RELN: variants seen among roughly 807,000 people sequenced by gnomAD.
RELN encodes reelin.
A neutral mutation model predicts 427.6 loss-of-function variants in RELN; 108 were observed. That is an observed-to-expected ratio of 0.25 (90% CI 0.22 to 0.30). The LOEUF (loss-of-function observed/expected upper bound fraction) is 0.30. Among genes scored for constraint, RELN ranks in the 10% least tolerant of loss-of-function variants. The pLI, the probability that RELN is intolerant of heterozygous loss-of-function variation, is 1.00. For synonymous variants in RELN, 1,524 were observed against 1,513.4 expected (o/e 1.01, Z -0.16); for missense variants, 3,715 against 4,302.8 (o/e 0.86, Z 3.82).
At chr7:103,735,520 T>C (rs907220404) in intron 6 of RELN, among the ~76,000 whole-genome samples, 2 of 152,162 alleles carry the variant, frequency 1.3e-5, no homozygotes, top group African/African-American at 4.8e-5. Context: ...GGAGGATGAA[T>C]GAGAAAATTG....
chr7:103,901,765 C>T (rs1378205544), intron 2 of RELN, among the ~76,000 whole-genome samples: 1 of 151,896 alleles, frequency 6.6e-6, no homozygotes, highest in African/African-American at 2.4e-5. Flanking sequence ...GGGACTGACT[C>T]CTAATAGATA....
At chr7:103,484,558 C>A (rs767128834) in intron 61 of RELN, 1 of 152,906 alleles carries the variant, frequency 6.5e-6, no homozygotes, top group African/African-American at 2.4e-5. Context: ...GCCAGTCTTA[C>A]GACTACATCA....
chr7:103,601,052 C>T (rs1335425994), intron 24 of RELN, among the ~76,000 whole-genome samples: 2 of 152,150 alleles, frequency 1.3e-5, no homozygotes, highest in Non-Finnish European at 2.9e-5. Context: ...GTCTGTCTGA[C>T]TTCAGAGATC....
In RELN at chr7:103,489,833, G is replaced by A. The variant is rs781754733; in HGVS notation, c.9672C>T (p.His3224=). 8 of 1,614,072 alleles carry A rather than the reference G, an allele frequency of 5.0e-6. No homozygotes were observed. In the East Asian group the frequency reaches 6.7e-5, roughly 13 times the overall value. Residue 3224 remains histidine (H), a synonymous_variant, in exon 60 of 65, where the codon CAC becomes CAT. Coordinates refer to ENST00000428762, the MANE Select transcript of RELN (RefSeq NM_005045.4). ...ETEKQSWAID[H]VYIGEACPKL... ...TGGGGCAAGCCTCTCCAATGTACAC[G>A]TGGTCAATTGCCCAGCTTTGCTTCT...
chr7:103,635,128 G>A (rs1832550729), intron 19 of RELN, among the ~76,000 whole-genome samples: 1 of 151,972 alleles, frequency 6.6e-6, no homozygotes, highest in Admixed American at 6.6e-5. Context: ...CAAACTGCTG[G>A]GATTACAGGC....
At chr7:103,927,759 T>C (rs987921110) in intron 1 of RELN, among the ~76,000 whole-genome samples, 4 of 152,178 alleles carry the variant, frequency 2.6e-5, no homozygotes, top group African/African-American at 4.8e-5. Context: ...GTTTTCAATA[T>C]AGCTATAAGA....
intron 29 of RELN, among the ~76,000 whole-genome samples, chr7:103,574,649 A>G (rs112167313): frequency 3.0e-4 from 45 of 152,284 alleles, no homozygotes; most frequent in Middle Eastern, 3.4e-3. Context: ...TTCTAGGATC[A>G]ATAGGGGCAG....
intron 46 of RELN, among the ~76,000 whole-genome samples, chr7:103,532,095 G>A (rs1444045955): frequency 6.6e-6 from 1 of 151,516 alleles, no homozygotes; most frequent in African/African-American, 2.4e-5. Flanking sequence ...ATACACCATG[G>A]AATACTATGC....
intron 2 of RELN, among the ~76,000 whole-genome samples, chr7:103,909,540 G>A (rs1384464467): frequency 6.9e-6 from 1 of 145,656 alleles, no homozygotes; most frequent in Admixed American, 7.2e-5. Flanking sequence ...CTGGGAGGTG[G>A]ATGTTGTAGT....
chr7:103,914,651 AT>A (rs934228283), intron 2 of RELN, among the ~76,000 whole-genome samples: 5 of 152,068 alleles, frequency 3.3e-5, no homozygotes, highest in African/African-American at 1.2e-4. Flanking sequence ...AGGTAACCTT[AT>A]CATCATCATG....
In RELN at chr7:103,518,742, T is replaced by G. The variant is rs1028873645; in HGVS notation, c.7862+581A>C. ...TTCTGTCTTCTCTTTTCTTACCCTC[T>G]TCCTCCTCCTACTTTACTGAATATG... On this transcript the variant is annotated intron_variant, in intron 49 of 64. Transcript: ENST00000428762. 1.1e-4 allele frequency among the ~76,000 whole-genome samples: 16 copies of G among 151,202 alleles called. 1 individual carries two copies. The highest frequency in any genetic ancestry group is 7.9e-4 in the Admixed American group (12 of 15,142).
intron 17 of RELN, among the ~76,000 whole-genome samples, chr7:103,639,790 G>A (rs111553340): frequency 1.9e-4 from 29 of 152,054 alleles, no homozygotes; most frequent in Non-Finnish European, 3.1e-4. Context: ...CTTTTTGTTG[G>A]AGGGACAAGA....
intron 3 of RELN, among the ~76,000 whole-genome samples, chr7:103,803,186 C>G (rs1164523777): frequency 6.6e-6 from 1 of 152,082 alleles, no homozygotes; most frequent in African/African-American, 2.4e-5. Flanking sequence ...TCCACCTTTA[C>G]TCCTACTCAA....
chr7:103,822,483 G>T (rs1384768746), intron 3 of RELN, among the ~76,000 whole-genome samples: 1 of 151,952 alleles, frequency 6.6e-6, no homozygotes, highest in African/African-American at 2.4e-5. Flanking sequence ...TATAAAGCTA[G>T]CTGTCACCAG....
intron 8 of RELN, among the ~76,000 whole-genome samples, chr7:103,719,319 C>T (rs1790017501): frequency 6.6e-6 from 1 of 152,084 alleles, no homozygotes; most frequent in Non-Finnish European, 1.5e-5. Flanking sequence ...CTTTCCCTGT[C>T]CTTTCAAGTG....
At chr7:103,903,353 T>C (rs1280217234) in intron 2 of RELN, among the ~76,000 whole-genome samples, 1 of 151,942 alleles carries the variant, frequency 6.6e-6, no homozygotes, top group Non-Finnish European at 1.5e-5. Flanking sequence ...TGGTGAGGGA[T>C]AAGGCTTCAT....
intron 3 of RELN, among the ~76,000 whole-genome samples, chr7:103,831,618 G>A (rs1249687666): frequency 6.6e-6 from 1 of 152,108 alleles, no homozygotes; most frequent in African/African-American, 2.4e-5. Context: ...TTGAGGTTGA[G>A]ATTGAAAAGC....
In RELN at chr7:103,818,993, C is replaced by A. The variant is rs140774477; in HGVS notation, c.473+14544G>T. On this transcript the variant is annotated intron_variant, in intron 3 of 64. Transcript: ENST00000428762. ...TTTGTAAAAACTAAAATTCAACACA[C>A]ACATATATCTAGAGAAATATACCCC... 4.1e-3 allele frequency among the ~76,000 whole-genome samples: 621 copies of A among 152,056 alleles called. 5 individuals are homozygous for A. The highest frequency in any genetic ancestry group is 0.014 in the African/African-American group (578 of 41,492).
In RELN at chr7:103,511,013, CA is replaced by C. The variant is rs774679180; in HGVS notation, c.8120-9del. On this transcript the variant is annotated splice_polypyrimidine_tract_variant and intron_variant, in intron 50 of 64. Coordinates refer to ENST00000428762, the MANE Select transcript of RELN (RefSeq NM_005045.4). ...ATAGCCAGTGCTCATTCACTTAAAA[CA>C]AAAAAACAAAATTTTATGACAAATT... is the stretch of plus-strand genomic sequence containing the variant. 1.2e-6 allele frequency: 2 copies of C among 1,610,254 alleles called. No individual in the cohort carries two copies. The highest frequency in any genetic ancestry group is 1.7e-6 in the Non-Finnish European group (2 of 1,177,096).
Sources: gnomAD v4.1 joint callset for allele counts (sites outside exome capture counted in the v4.1 genomes callset) on GRCh38, gnomAD v4.1.1 for gene constraint, MANE v1.5 for transcripts, NCBI Gene and HGNC (gene_info 2026-07-23, HGNC 2026-07-21) for gene names.